BMX: variants seen among roughly 807,000 people sequenced by gnomAD.
The protein encoded by BMX is BMX non-receptor tyrosine kinase.
BMX carries 31 observed loss-of-function variants against 59.2 expected under a neutral mutation model. The ratio of observed to expected loss-of-function variants is 0.52; its 90% CI spans 0.39 to 0.71. The LOEUF (loss-of-function observed/expected upper bound fraction) is 0.71, where lower values mean the gene tolerates loss of function less well. Ranked by LOEUF, BMX falls within the 30% of genes least tolerant of loss-of-function variation. The pLI is 0.00. For missense variants in BMX, 474 were observed against 491.7 expected, an observed-to-expected ratio of 0.96 and a Z score of 0.34; for synonymous variants, 185 against 181.0, an observed-to-expected ratio of 1.02 and a Z score of -0.18.
chrX:15,552,408 A>G (rs1926240931), intron 18 of BMX, among the ~76,000 whole-genome samples: 1 of 112,085 alleles, frequency 8.9e-6, no homozygotes, highest in Non-Finnish European at 1.9e-5. Context: ...TGAGGTTTCT[A>G]CCACACTTTT....
rs201616812 is a variant in BMX, at chrX:15,549,868, G to A, written c.1824G>A (p.Leu608=). The A allele has an allele frequency of 1.7e-6, 2 of 1,209,214 alleles. No homozygotes were observed. Among genetic ancestry groups the A allele is most frequent in the East Asian group, 3.0e-5 (1 of 33,787 alleles). ...FGILMWEVFS[L]GKQPYDLYDN... is the part of the protein sequence containing the mutation. Reference sequence around the variant, plus strand: ...TCCTGATGTGGGAGGTGTTCAGCCTGGGGAAGCAGCCCTATGACTTGTATG... The same window carrying A: ...TCCTGATGTGGGAGGTGTTCAGCCTAGGGAAGCAGCCCTATGACTTGTATG... The change falls in exon 18 of 19, where the codon CTG becomes CTA. Residue 608 remains leucine (L), a synonymous_variant. Transcript: ENST00000348343.
intron 16 of BMX, among the ~76,000 whole-genome samples, chrX:15,545,384 T>G (rs973449468): frequency 8.9e-6 from 1 of 112,585 alleles, no homozygotes; most frequent in Non-Finnish European, 1.9e-5. Context: ...TTGGCATAAT[T>G]CCAAAGTTTG....
intron 6 of BMX, 137 bp from the exon 7 acceptor site, chrX:15,522,209 C>T: frequency 1.2e-6 from 1 of 817,166 alleles, no homozygotes; most frequent in Non-Finnish European, 1.7e-6. Context: ...TTTCCTTCCT[C>T]CCTTCCTCCC....
rs200495384 is a variant in BMX, at chrX:15,531,420, C to A, written c.1019+13C>A. The A allele has an allele frequency of 4.3e-6, 5 of 1,153,988 alleles. No homozygotes were observed. The Admixed American group carries it at 1.1e-4, about 26-fold the overall frequency. On this transcript the variant is annotated intron_variant, in intron 11 of 18. Coordinates refer to ENST00000348343, the MANE Select transcript of BMX (RefSeq NM_203281.3). ...GTAAGGCTGTGAAGTAAGTATGATA[C>A]GGATTAATTTCTTTTCTCTTTCTGC...
At chrX:15,516,506 G>C (rs1172394182) in intron 5 of BMX, among the ~76,000 whole-genome samples, 2 of 111,597 alleles carry the variant, frequency 1.8e-5, no homozygotes, top group Non-Finnish European at 3.8e-5. Context: ...CAAGCAATGA[G>C]CTGTTATTTC....
chrX:15,541,674 A>G (rs1420005617), intron 14 of BMX, among the ~76,000 whole-genome samples: 1 of 111,400 alleles, frequency 9.0e-6, no homozygotes, highest in African/African-American at 3.3e-5. Flanking sequence ...ATGAGACTCA[A>G]CAGGGTTTCC....
In BMX at chrX:15,511,530, A is replaced by G; in HGVS notation, c.325+12A>G. On this transcript the variant is annotated intron_variant, in intron 4 of 18. Transcript: ENST00000348343. Reference sequence around the variant, plus strand: ...AGCATTACAAAAAGGTAATTCAAAAAAAGAAATGTTGAAAGAGAAAGGTCA... The same window carrying G: ...AGCATTACAAAAAGGTAATTCAAAAGAAGAAATGTTGAAAGAGAAAGGTCA... 1 of 1,187,935 alleles carries G rather than the reference A, an allele frequency of 8.4e-7. No individual in the cohort carries two copies. The highest frequency in any genetic ancestry group is 1.1e-6 in the Non-Finnish European group (1 of 879,811).
rs1400288099 is a variant in BMX at position 15,556,152 on chromosome X, G to A, written c.*5G>A. ...CGGGAAAAAGACAAGCATTGAAGAA[G>A]AAATTAGGAGTGCTGATAAGAATGA... On this transcript the variant is annotated 3_prime_UTR_variant, in exon 19 of 19. Coordinates refer to ENST00000348343, the MANE Select transcript of BMX (RefSeq NM_203281.3). 2.5e-6 allele frequency: 3 copies of A among 1,197,803 alleles called. No individual in the cohort carries two copies. Among genetic ancestry groups the A allele is most frequent in the South Asian group, 3.7e-5 (2 of 54,775 alleles).
At chrX:15,528,674 A>AC (rs1454231145) in intron 9 of BMX, among the ~76,000 whole-genome samples, 3 of 111,496 alleles carry the variant, frequency 2.7e-5, no homozygotes, top group African/African-American at 9.8e-5. Flanking sequence ...AAACAAACAA[A>AC]AAAAAACCTT....
rs1384141906 is a variant in BMX at position 15,543,229 on chromosome X, G to GGAA, written c.1676+94_1676+95insGAA. 194 of 870,606 alleles carry GGAA rather than the reference G, an allele frequency of 2.2e-4. No homozygotes were observed. In the East Asian group the frequency reaches 4.6e-3, roughly 21 times the overall value. 71.7% of individuals were successfully genotyped at this position (870,606 alleles called of 1,213,427 possible). A position where few individuals can be genotyped will look rare whatever the true frequency, so the allele number is the denominator to read the frequency against. The stretch of plus-strand genomic sequence containing the variant: ...TGAAGGCTTTGTGGGGATATAGAAG[G>GGAA]TGCTCTGAATTGGGGGCTTAGAAAC... On this transcript the variant is annotated intron_variant, in intron 16 of 18. Coordinates refer to ENST00000348343, the MANE Select transcript of BMX (RefSeq NM_203281.3).
chrX:15,533,772 A>T (rs1447028071), intron 11 of BMX, among the ~76,000 whole-genome samples: 2 of 111,581 alleles, frequency 1.8e-5, no homozygotes, highest in Non-Finnish European at 3.8e-5. Flanking sequence ...GCCTCCTCCC[A>T]TGTTTTGGGG....
At chrX:15,532,298 C>T (rs1236752494) in intron 11 of BMX, among the ~76,000 whole-genome samples, 2 of 111,127 alleles carry the variant, frequency 1.8e-5, no homozygotes, top group Non-Finnish European at 3.8e-5. Flanking sequence ...TTACAAGCCA[C>T]TTTCTTATTG....
intron 16 of BMX, among the ~76,000 whole-genome samples, chrX:15,545,027 T>A (rs1925880278): frequency 9.0e-6 from 1 of 111,634 alleles, no homozygotes; most frequent in Non-Finnish European, 1.9e-5. Flanking sequence ...TTGTTGTGGT[T>A]TTTGTGGGCA....
intron 1 of BMX, among the ~76,000 whole-genome samples, chrX:15,507,802 T>C (rs113671105): frequency 0.011 from 1,188 of 111,769 alleles, 17 homozygotes; most frequent in African/African-American, 0.037. Flanking sequence ...TTTACTTTGA[T>C]TTTAAATTCT....
chrX:15,538,457 T>C (rs1208097463), intron 14 of BMX, among the ~76,000 whole-genome samples: 3 of 111,860 alleles, frequency 2.7e-5, no homozygotes, highest in Non-Finnish European at 5.6e-5. Flanking sequence ...TGGTCAAAAA[T>C]AGTTGAAATA....
intron 4 of BMX, among the ~76,000 whole-genome samples, chrX:15,514,382 A>G (rs1345942794): frequency 8.9e-6 from 1 of 111,759 alleles, no homozygotes; most frequent in Non-Finnish European, 1.9e-5. Context: ...TTGAACACCT[A>G]CTTACTCTGG....
At chrX:15,518,852 C>G (rs1350646085) in intron 6 of BMX, among the ~76,000 whole-genome samples, 1 of 111,625 alleles carries the variant, frequency 9.0e-6, no homozygotes, top group Non-Finnish European at 1.9e-5. Flanking sequence ...TAGGAATTTC[C>G]TACTGAAGGG....
At chrX:15,503,573 G>A (rs186731129) in intron 1 of BMX, among the ~76,000 whole-genome samples, 51 of 112,240 alleles carry the variant, frequency 4.5e-4, no homozygotes, top group African/African-American at 1.6e-3. Context: ...TACTGGCTAA[G>A]TCACTTAGGC....
chrX:15,530,277 G>A (rs1925004625), intron 10 of BMX, among the ~76,000 whole-genome samples: 1 of 111,880 alleles, frequency 8.9e-6, no homozygotes, highest in Non-Finnish European at 1.9e-5. Flanking sequence ...GATATCTCAT[G>A]ATTCTGTGAG....
Sources: gnomAD v4.1 joint callset for allele counts (sites outside exome capture counted in the v4.1 genomes callset) on GRCh38, gnomAD v4.1.1 for gene constraint, MANE v1.5 for transcripts, NCBI Gene and HGNC (gene_info 2026-07-23, HGNC 2026-07-21) for gene names.